ITPR2: variants seen among roughly 807,000 people sequenced by gnomAD.
ITPR2 encodes the protein inositol 1,4,5-trisphosphate-gated calcium channel ITPR2.
ITPR2 carries 207 observed loss-of-function variants against 317.1 expected under a neutral mutation model. The ratio of observed to expected loss-of-function variants is 0.65; its 90% CI spans 0.58 to 0.73. The LOEUF is 0.73. Ranked by LOEUF, ITPR2 falls within the 30% of genes least tolerant of loss-of-function variation. The probability of loss-of-function intolerance (pLI) is 0.00; values close to 1 mark genes in which losing one functional copy is unlikely to be tolerated. For synonymous variants in ITPR2, 1,156 were observed against 1,149.1 expected (o/e 1.01, Z -0.12); for missense variants, 2,613 against 3,284.0 (o/e 0.80, Z 4.99).
At chr12:26,624,486 A>G in intron 23 of ITPR2, 130 bp from the exon 24 acceptor site, 1 of 628,480 alleles carries the variant, frequency 1.6e-6, no homozygotes. Flanking sequence ...GTCAATTAAC[A>G]CTAATAATCT....
intron 15 of ITPR2, among the ~76,000 whole-genome samples, chr12:26,660,761 C>G (rs1176012773): frequency 6.6e-6 from 1 of 151,886 alleles, no homozygotes; most frequent in Non-Finnish European, 1.5e-5. Flanking sequence ...TGGTACAAGG[C>G]AAACATCCAA....
At chr12:26,577,349 C>T (rs908723067) in intron 34 of ITPR2, among the ~76,000 whole-genome samples, 1 of 152,190 alleles carries the variant, frequency 6.6e-6, no homozygotes, top group African/African-American at 2.4e-5. Flanking sequence ...AGAATGGTTC[C>T]AGGTGTGGAA....
intron 36 of ITPR2, among the ~76,000 whole-genome samples, chr12:26,551,240 A>G (rs781286320): frequency 1.6e-4 from 25 of 152,190 alleles, no homozygotes; most frequent in Non-Finnish European, 3.4e-4. Flanking sequence ...TTCACTGGTT[A>G]ATGGCTACCA....
intron 10 of ITPR2, among the ~76,000 whole-genome samples, chr12:26,686,836 G>C (rs1002117493): frequency 2.0e-5 from 3 of 152,146 alleles, no homozygotes; most frequent in African/African-American, 7.2e-5. Flanking sequence ...ACACTCCTAG[G>C]GCGGGGTGGC....
At chr12:26,571,403 G>A (rs1233225556) in intron 34 of ITPR2, among the ~76,000 whole-genome samples, 1 of 152,176 alleles carries the variant, frequency 6.6e-6, no homozygotes, top group Admixed American at 6.5e-5. Context: ...TAGATGATAG[G>A]AAGTATTCTT....
intron 13 of ITPR2, among the ~76,000 whole-genome samples, chr12:26,671,094 G>T (rs1336018131): frequency 6.6e-6 from 1 of 152,076 alleles, no homozygotes; most frequent in Admixed American, 6.5e-5. Flanking sequence ...GAAAGTGACG[G>T]GGAGAATGGA....
chr12:26,800,916 C>A, intron 1 of ITPR2: 1 of 163,606 alleles, frequency 6.1e-6, no homozygotes. Flanking sequence ...CAAGTGGCAG[C>A]TTCCTCGAAA....
At chr12:26,362,841 T>C (rs986838542) in intron 55 of ITPR2, among the ~76,000 whole-genome samples, 1 of 152,180 alleles carries the variant, frequency 6.6e-6, no homozygotes, top group African/African-American at 2.4e-5. Context: ...AAAGAAAGCA[T>C]AACTGGGGAA....
intron 2 of ITPR2, among the ~76,000 whole-genome samples, chr12:26,747,905 C>A: frequency 6.6e-6 from 1 of 152,222 alleles, no homozygotes; most frequent in South Asian, 2.1e-4. Flanking sequence ...TGCCCCAACT[C>A]AATAGCTTGT....
chr12:26,397,027 G>A (rs993248728), intron 54 of ITPR2, among the ~76,000 whole-genome samples: 1 of 151,720 alleles, frequency 6.6e-6, no homozygotes, highest in African/African-American at 2.4e-5. Flanking sequence ...CCTCCTACCT[G>A]ATGACTCTGC....
At chr12:26,361,316 T>C (rs542975972) in intron 55 of ITPR2, among the ~76,000 whole-genome samples, 1 of 152,312 alleles carries the variant, frequency 6.6e-6, no homozygotes, top group Admixed American at 6.5e-5. Flanking sequence ...CACAGCATTA[T>C]TTATGTGGTC....
In ITPR2 at chr12:26,715,799, T is replaced by A. The variant is rs554544073; in HGVS notation, c.661A>T (p.Thr221Ser). ...TAGGAACTATATTTCATGAATAAAG[T>A]GATTTTCCAGCTGGTGTTGCAATTG... The part of the protein sequence containing the change: ...AVNCNTSWKI[T>S]LFMKYSSYRE... Residue 221 changes from threonine (T) to serine (S), a missense_variant, in exon 7 of 57, where the codon ACT becomes TCT. Around this residue, in one of 9 missense-constraint regions of ITPR2, gnomAD observed 515 missense variants for 789.4 expected, o/e 0.65. Transcript: ENST00000381340. 1.2e-6 allele frequency: 2 copies of A among 1,611,044 alleles called. No individual in the cohort carries two copies. The highest frequency in any genetic ancestry group is 2.2e-5 in the East Asian group (1 of 44,778).
chr12:26,417,892 A>C (rs2880783), intron 50 of ITPR2, among the ~76,000 whole-genome samples: 10,365 of 152,200 alleles, frequency 0.068, 382 homozygotes, highest in South Asian at 0.092. Flanking sequence ...AAATTATAGA[A>C]TATTACATGT....
At chr12:26,565,036 T>G (rs1225408754) in intron 34 of ITPR2, among the ~76,000 whole-genome samples, 3 of 152,202 alleles carry the variant, frequency 2.0e-5, no homozygotes, top group Non-Finnish European at 2.9e-5. Flanking sequence ...AATACCTTTA[T>G]AGATGAAAAA....
chr12:26,651,573 A>G (rs1309566296), intron 21 of ITPR2, among the ~76,000 whole-genome samples: 1 of 152,164 alleles, frequency 6.6e-6, no homozygotes, highest in Non-Finnish European at 1.5e-5. Flanking sequence ...ACTTAATTCC[A>G]TTTAGAGTAC....
intron 45 of ITPR2, among the ~76,000 whole-genome samples, chr12:26,464,348 TA>T (rs1244047637): frequency 6.6e-6 from 1 of 152,202 alleles, no homozygotes; most frequent in African/African-American, 2.4e-5. Flanking sequence ...CATCATGCAT[TA>T]GATTCTCATA....
At chr12:26,462,673 C>CT (rs1555134095) in intron 45 of ITPR2, among the ~76,000 whole-genome samples, 12,585 of 62,748 alleles carry the variant, frequency 0.2, 718 homozygotes, top group East Asian at 0.44. Flanking sequence ...AGCTTTCTTT[C>CT]TTTTTTTTTT....
intron 5 of ITPR2, among the ~76,000 whole-genome samples, chr12:26,720,863 AT>A (rs1480320479): frequency 1.6e-4 from 25 of 152,270 alleles, no homozygotes; most frequent in Admixed American, 1.3e-4. Flanking sequence ...GATAAAATGA[AT>A]AAATAAGCAG....
intron 55 of ITPR2, among the ~76,000 whole-genome samples, chr12:26,368,337 A>G (rs997499578): frequency 6.6e-6 from 1 of 152,208 alleles, no homozygotes; most frequent in African/African-American, 2.4e-5. Flanking sequence ...TGTATATATA[A>G]AAGGTCTATC....
Sources: allele counts gnomAD v4.1 joint callset (sites outside exome capture counted in the v4.1 genomes callset), GRCh38; gene constraint gnomAD v4.1.1; regional missense constraint gnomAD v4.1.1; transcripts MANE v1.5; gene names NCBI Gene and HGNC (gene_info 2026-07-23, HGNC 2026-07-21).